EFEMP1: variants seen among roughly 807,000 people sequenced by gnomAD.
EFEMP1 encodes EGF-containing fibulin-like extracellular matrix protein 1.
EFEMP1 carries 18 observed loss-of-function variants against 65.7 expected under a neutral mutation model. The observed-to-expected ratio is 0.27, with a 90% CI of 0.19 to 0.41. EFEMP1 has a LOEUF of 0.41. Among genes scored for constraint, EFEMP1 ranks in the 10% least tolerant of loss-of-function variants. The probability of loss-of-function intolerance (pLI) is 1.00; values close to 1 mark genes in which losing one functional copy is unlikely to be tolerated. For missense variants in EFEMP1, 469 were observed against 624.8 expected (o/e 0.75, Z 2.66); for synonymous variants, 237 against 219.7 (o/e 1.08, Z -0.70).
intron 5 of EFEMP1, among the ~76,000 whole-genome samples, chr2:55,895,907 G>A (rs1457583381): frequency 6.6e-6 from 1 of 152,094 alleles, no homozygotes; most frequent in Non-Finnish European, 1.5e-5. Flanking sequence ...ACTGACTTGG[G>A]GCAATGGCTG....
At chr2:55,889,472 G>T (rs942959507) in intron 5 of EFEMP1, among the ~76,000 whole-genome samples, 2 of 151,922 alleles carry the variant, frequency 1.3e-5, no homozygotes, top group South Asian at 2.1e-4. Flanking sequence ...ATCTTTCTGC[G>T]CAATGTTTCT....
At position 55,867,259 on chromosome 2, in the gene EFEMP1, G is replaced by A. The variant is rs77784128; in HGVS notation, c.1321-25C>T. 7,863 of 1,611,072 alleles carry A rather than the reference G, an allele frequency of 4.9e-3. 336 individuals carry two copies. The African/African-American group carries it at 0.09, about 18-fold the overall frequency. ...GCTAAAATAAAAGAAAATAGAGAAA[G>A]GAAGAGAATAATTTTCTTGGATTGG... is the stretch of plus-strand genomic sequence containing the variant. On this transcript the variant is annotated intron_variant, in intron 11 of 11. Transcript: ENST00000355426. The surrounding 1 kb of genome is among the most constrained non-coding windows in gnomAD (Gnocchi z 4.3).
chr2:55,887,461 A>AT (rs1265517043), intron 5 of EFEMP1, among the ~76,000 whole-genome samples: 2 of 152,042 alleles, frequency 1.3e-5, no homozygotes, highest in Admixed American at 6.6e-5. Flanking sequence ...AATTATCAAC[A>AT]TTTTTTTGTC....
chr2:55,868,443 C>T (rs1194636441), intron 11 of EFEMP1, among the ~76,000 whole-genome samples: 1 of 152,120 alleles, frequency 6.6e-6, no homozygotes, highest in Non-Finnish European at 1.5e-5. Flanking sequence ...AGTAAGGGAG[C>T]AGAGACACTG....
rs1412593125 is a variant in EFEMP1, at chr2:55,917,845, A to G, written c.337T>C (p.Leu113=). 1 of 1,614,204 alleles carries G rather than the reference A, an allele frequency of 6.2e-7. No individual in the cohort carries two copies. The highest frequency in any genetic ancestry group is 1.7e-5 in the Admixed American group (1 of 60,026). The change falls in exon 5 of 12, where the codon TTG becomes CTG. Residue 113 remains leucine (L), a synonymous_variant. Transcript: ENST00000355426. This position sits in a 1 kb window ranked among gnomAD's most constrained non-coding sequence, Gnocchi z 6.3. ...CTGGCCACAAAACCACCCCCGGGCA[A>G]CACTCCACTGGTTGCCATGCTGCTG... ...AASSMATSGV[L]PGGGFVASAA...
intron 5 of EFEMP1, among the ~76,000 whole-genome samples, chr2:55,916,777 G>C (rs963552054): frequency 2.5e-4 from 38 of 152,204 alleles, no homozygotes; most frequent in African/African-American, 9.2e-4. Flanking sequence ...ACACCAGGCT[G>C]CTCTGAAATG....
At chr2:55,876,775 T>C in intron 7 of EFEMP1, 33 bp from the exon 8 acceptor site, 7 of 1,252,524 alleles carry the variant, frequency 5.6e-6, no homozygotes, top group East Asian at 2.8e-5. Context: ...TATATATGTA[T>C]ATGTATATAT....
rs1668903071 is a variant in EFEMP1, at chr2:55,873,467, T to C, written c.1000+1479A>G. Among the ~76,000 whole-genome samples, 1 of 152,078 alleles carries C rather than the reference T, an allele frequency of 6.6e-6. No individual in the cohort carries two copies. The highest frequency in any genetic ancestry group is 2.4e-5 in the African/African-American group (1 of 41,444). ...CCCACCGTGCATTAATCTGCTTCTG[T>C]CTTTTGCTGAGCATCAAATCAATTT... On this transcript the variant is annotated intron_variant, in intron 9 of 11. Transcript: ENST00000355426. This position sits in a 1 kb window ranked among gnomAD's most constrained non-coding sequence, Gnocchi z 4.6.
chr2:55,881,493 A>T, intron 6 of EFEMP1, 119 bp downstream of exon 6: 1 of 1,321,262 alleles, frequency 7.6e-7, no homozygotes, highest in Non-Finnish European at 1.1e-6. Context: ...CTATAAAAAA[A>T]TAAGGAATTA....
intron 5 of EFEMP1, among the ~76,000 whole-genome samples, chr2:55,907,949 G>T (rs1327264064): frequency 3.3e-5 from 5 of 152,134 alleles, no homozygotes; most frequent in Non-Finnish European, 7.3e-5. Flanking sequence ...GGCTGTCTTG[G>T]ATTCCCTTCC....
intron 5 of EFEMP1, among the ~76,000 whole-genome samples, chr2:55,894,427 G>T (rs182123779): frequency 1.6e-5 from 2 of 128,290 alleles, no homozygotes; most frequent in Non-Finnish European, 3.3e-5. Context: ...AGGATTTCTG[G>T]TCATTTGTTC....
Position 55,870,592 on chromosome 2 carries a change from C to A in EFEMP1, c.1320+128G>T. Reference sequence around the variant, plus strand: ...GTAGCTGGAAGGCCTTACACAATGCCTACACATAAGACACTTTAAATGTTT... The same window carrying A: ...GTAGCTGGAAGGCCTTACACAATGCATACACATAAGACACTTTAAATGTTT... On this transcript the variant is annotated intron_variant, in intron 11 of 11. Transcript: ENST00000355426. This position sits in a 1 kb window ranked among gnomAD's most constrained non-coding sequence, Gnocchi z 5.8. 1.8e-6 allele frequency: 2 copies of A among 1,140,204 alleles called. No individual in the cohort carries two copies. The highest frequency in any genetic ancestry group is 1.3e-5 in the South Asian group (1 of 77,968). The allele number at this position is 1,140,204 out of a possible 1,614,324, so 70.6% of individuals were successfully genotyped here.
At position 55,867,343 on chromosome 2, in the gene EFEMP1, G is replaced by T; in HGVS notation, c.1321-109C>A. ...GAATTAGGGGGAGAATTTTGAAGGT[G>T]GTATAAAAGAGCCACTACTTGGTCC... On this transcript the variant is annotated intron_variant, in intron 11 of 11. Coordinates refer to ENST00000355426, the MANE Select transcript of EFEMP1 (RefSeq NM_001039348.3). This position sits in a 1 kb window ranked among gnomAD's most constrained non-coding sequence, Gnocchi z 4.3. The T allele has an allele frequency of 7.9e-7, 1 of 1,266,736 alleles. No homozygotes were observed. The highest frequency in any genetic ancestry group is 1.1e-6 in the Non-Finnish European group (1 of 914,310). The allele number at this position is 1,266,736 out of a possible 1,614,324, so 78.5% of individuals were successfully genotyped here.
rs1200908679 is a variant in EFEMP1, at chr2:55,920,733, A to G, written c.81+1627T>C. Among the ~76,000 whole-genome samples, 6 of 152,186 alleles carry G rather than the reference A, an allele frequency of 3.9e-5. No homozygotes were observed. In the East Asian group the frequency reaches 1.2e-3, roughly 29 times the overall value. ...CTATGTAGCCCTAAGCAAGTTAGAC[A>G]CTCTCTCTGATCTTCAGTTCTACCA... On this transcript the variant is annotated intron_variant, in intron 3 of 11. Coordinates refer to ENST00000355426, the MANE Select transcript of EFEMP1 (RefSeq NM_001039348.3).
At chr2:55,903,049 A>G (rs2104428206) in intron 5 of EFEMP1, among the ~76,000 whole-genome samples, 1 of 152,346 alleles carries the variant, frequency 6.6e-6, no homozygotes. Flanking sequence ...CTATCCAGCA[A>G]GATAAACTGA....
In EFEMP1 at chr2:55,868,113, C is replaced by T. The variant is rs138788248; in HGVS notation, c.1321-879G>A. 1.4e-3 allele frequency among the ~76,000 whole-genome samples: 209 copies of T among 152,290 alleles called. 1 individual carries two copies. The highest frequency in any genetic ancestry group is 4.7e-3 in the African/African-American group (197 of 41,562). On this transcript the variant is annotated intron_variant, in intron 11 of 11. Transcript: ENST00000355426. The stretch of plus-strand genomic sequence containing the variant: ...TCTGATCACTTGTTCAATGTCTTGA[C>T]TACAAGCTCCACGGGGGCAGGAACT...
intron 5 of EFEMP1, among the ~76,000 whole-genome samples, chr2:55,889,953 T>C (rs1018411391): frequency 6.6e-6 from 1 of 151,450 alleles, no homozygotes; most frequent in Admixed American, 6.6e-5. Context: ...GAAAAGCAAA[T>C]AGAATGGTAG....
At position 55,876,661 on chromosome 2, in the gene EFEMP1, T is replaced by A. The variant is rs1669046931; in HGVS notation, c.842A>T (p.Gln281Leu). ...ILGSFICQCN[Q>L]GYELSSDRLN... ...CCTGTCACTGCTTAGCTCATATCCT[T>A]GATTGCACTGACAGATGAATGAACC... The change falls in exon 8 of 12, where the codon CAA (glutamine) becomes CTA (leucine). Residue 281 changes from glutamine to leucine, a missense_variant. Gln to Leu is a moderately radical substitution (Grantham distance 113). This residue lies in a region of EFEMP1 where 399 missense variants were observed against 528.2 expected (regional missense o/e 0.76). Transcript: ENST00000355426. The A allele has an allele frequency of 1.2e-6, 2 of 1,612,468 alleles. No homozygotes were observed. Among genetic ancestry groups the A allele is most frequent in the East Asian group, 4.5e-5 (2 of 44,828 alleles).
At chr2:55,897,170 G>A (rs1669858984) in intron 5 of EFEMP1, among the ~76,000 whole-genome samples, 1 of 152,142 alleles carries the variant, frequency 6.6e-6, no homozygotes, top group Non-Finnish European at 1.5e-5. Context: ...CTCTTTGAGG[G>A]TAGGCCCCAT....
Sources: gnomAD v4.1 joint callset for allele counts (sites outside exome capture counted in the v4.1 genomes callset) on GRCh38, gnomAD v4.1.1 for gene constraint, gnomAD v4.1.1 regional missense constraint, Gnocchi (gnomAD v3.1) non-coding constraint, MANE v1.5 for transcripts, NCBI Gene and HGNC (gene_info 2026-07-23, HGNC 2026-07-21) for gene names.